PARD3: variants seen among roughly 807,000 people sequenced by gnomAD.
PARD3 encodes the protein par-3 family cell polarity regulator, also known as partitioning defective 3 homolog.
In PARD3, 75 loss-of-function variants were observed where a neutral mutation model predicts 155.4. That is an observed-to-expected ratio of 0.48 (90% CI 0.40 to 0.58). The LOEUF is 0.58. Among genes scored for constraint, PARD3 ranks in the 20% least tolerant of loss-of-function variants. The pLI, the probability that PARD3 is intolerant of heterozygous loss-of-function variation, is 0.00. For missense variants in PARD3, 1,642 were observed against 1,721.7 expected, an observed-to-expected ratio of 0.95 and a Z score of 0.82; for synonymous variants, 576 against 610.5, an observed-to-expected ratio of 0.94 and a Z score of 0.83.
intron 22 of PARD3, among the ~76,000 whole-genome samples, chr10:34,224,345 A>G (rs1348879603): frequency 3.9e-5 from 6 of 152,218 alleles, no homozygotes; most frequent in Non-Finnish European, 8.8e-5. Flanking sequence ...AATTAGAGCA[A>G]TATTTCTTCT....
chr10:34,121,202 G>A (rs1301163752), intron 23 of PARD3, among the ~76,000 whole-genome samples: 2 of 152,224 alleles, frequency 1.3e-5, no homozygotes, highest in South Asian at 2.1e-4. Flanking sequence ...AGGTTTCTGG[G>A]ATGCTTCAAT....
intron 2 of PARD3, among the ~76,000 whole-genome samples, chr10:34,565,034 T>C (rs963890605): frequency 6.6e-6 from 1 of 151,956 alleles, no homozygotes; most frequent in Non-Finnish European, 1.5e-5. Flanking sequence ...ATCAGGCAGA[T>C]TGGCTCTCAA....
At chr10:34,810,281 G>T (rs536822814) in intron 1 of PARD3, among the ~76,000 whole-genome samples, 2 of 152,092 alleles carry the variant, frequency 1.3e-5, no homozygotes, top group Non-Finnish European at 2.9e-5. Context: ...TATAAGGTAC[G>T]TAGGAAACAT....
chr10:34,750,764 T>C (rs1184313325), intron 1 of PARD3, among the ~76,000 whole-genome samples: 3 of 151,706 alleles, frequency 2.0e-5, no homozygotes, highest in East Asian at 3.9e-4. Context: ...TCTTGGCTCA[T>C]TGCAACCTCC....
chr10:34,184,436 C>T (rs1284310925), intron 22 of PARD3, among the ~76,000 whole-genome samples: 1 of 152,154 alleles, frequency 6.6e-6, no homozygotes, highest in Non-Finnish European at 1.5e-5. Flanking sequence ...TTACTGATGG[C>T]ACCCCCTGGC....
intron 2 of PARD3, among the ~76,000 whole-genome samples, chr10:34,590,892 C>T (rs1256103302): frequency 6.6e-6 from 1 of 152,166 alleles, no homozygotes; most frequent in Admixed American, 6.5e-5. Context: ...CACCCAAATG[C>T]TGGAAAAAAT....
intron 3 of PARD3, among the ~76,000 whole-genome samples, chr10:34,486,933 C>G (rs1197612609): frequency 2.0e-5 from 3 of 152,054 alleles, no homozygotes; most frequent in African/African-American, 4.8e-5. Flanking sequence ...GGATCCTCAT[C>G]ATTTCTCAGC....
At chr10:34,514,404 C>T (rs1449827610) in intron 3 of PARD3, among the ~76,000 whole-genome samples, 1 of 152,162 alleles carries the variant, frequency 6.6e-6, no homozygotes, top group Non-Finnish European at 1.5e-5. Context: ...GGACTCACCA[C>T]CTAGCACAAG....
intron 3 of PARD3, among the ~76,000 whole-genome samples, chr10:34,474,951 T>C (rs1033537037): frequency 2.6e-5 from 4 of 152,056 alleles, no homozygotes; most frequent in Non-Finnish European, 5.9e-5. Flanking sequence ...ATTTCAGAAA[T>C]GTTAAGATAG....
At chr10:34,733,921 T>C (rs1037407444) in intron 1 of PARD3, among the ~76,000 whole-genome samples, 3 of 151,476 alleles carry the variant, frequency 2.0e-5, no homozygotes, top group African/African-American at 7.3e-5. Context: ...GAGTAAATTA[T>C]GCTTCTGCGA....
intron 3 of PARD3, among the ~76,000 whole-genome samples, chr10:34,490,985 A>G (rs1029962891): frequency 6.6e-6 from 1 of 152,210 alleles, no homozygotes; most frequent in Non-Finnish European, 1.5e-5. Flanking sequence ...GAAGAGAATT[A>G]TTGCTCTAGA....
intron 22 of PARD3, among the ~76,000 whole-genome samples, chr10:34,147,643 TTAC>T (rs1275366868): frequency 6.6e-6 from 1 of 151,918 alleles, no homozygotes; most frequent in Admixed American, 6.6e-5. Context: ...ATTTGATACT[TTAC>T]TAACTTTGTT....
chr10:34,553,100 G>C (rs1589985580), intron 2 of PARD3, among the ~76,000 whole-genome samples: 1 of 152,186 alleles, frequency 6.6e-6, no homozygotes, highest in Admixed American at 6.5e-5. Context: ...CATCCTGGCA[G>C]AGACTTAGCA....
At chr10:34,682,793 T>G (rs1444630878) in intron 2 of PARD3, among the ~76,000 whole-genome samples, 1 of 152,024 alleles carries the variant, frequency 6.6e-6, no homozygotes, top group Non-Finnish European at 1.5e-5. Flanking sequence ...GCGGCTGAGG[T>G]GGGAGCCCAG....
chr10:34,604,481 C>A (rs113907122), intron 2 of PARD3, among the ~76,000 whole-genome samples: 5 of 151,928 alleles, frequency 3.3e-5, no homozygotes, highest in African/African-American at 1.2e-4. Flanking sequence ...CGTTTTGGGA[C>A]TCTGGCTCTC....
intron 3 of PARD3, among the ~76,000 whole-genome samples, chr10:34,486,952 T>C (rs971172142): frequency 6.6e-6 from 1 of 152,128 alleles, no homozygotes; most frequent in African/African-American, 2.4e-5. Flanking sequence ...GCTTGATTTA[T>C]TCTCTCTCTC....
At chr10:34,533,621 A>G (rs1238381591) in intron 2 of PARD3, among the ~76,000 whole-genome samples, 1 of 152,074 alleles carries the variant, frequency 6.6e-6, no homozygotes, top group Non-Finnish European at 1.5e-5. Flanking sequence ...AGCCCGGACA[A>G]CATGGTGAAA....
intron 1 of PARD3, among the ~76,000 whole-genome samples, chr10:34,806,386 G>A (rs1843388614): frequency 6.6e-6 from 1 of 151,994 alleles, no homozygotes; most frequent in Non-Finnish European, 1.5e-5. Flanking sequence ...AGTAGAGATG[G>A]GGTTTCACTA....
intron 22 of PARD3, among the ~76,000 whole-genome samples, chr10:34,159,529 A>G (rs1170671255): frequency 3.9e-5 from 6 of 152,224 alleles, no homozygotes; most frequent in Non-Finnish European, 7.3e-5. Flanking sequence ...ATTGTGGGAG[A>G]TAGGATAATC....
Sources: allele counts gnomAD v4.1 joint callset (sites outside exome capture counted in the v4.1 genomes callset), GRCh38; gene constraint gnomAD v4.1.1; transcripts MANE v1.5; gene names NCBI Gene and HGNC (gene_info 2026-07-23, HGNC 2026-07-21).